The following UPF2 variants were observed in gnomAD, a reference collection of about 807,000 sequenced individuals.
The protein encoded by UPF2 is UPF2 regulator of nonsense mediated mRNA decay, also known as regulator of nonsense transcripts 2.
UPF2 carries 17 observed loss-of-function variants against 141.4 expected under a neutral mutation model. That is an observed-to-expected ratio of 0.12 (90% CI 0.08 to 0.18). The LOEUF is 0.18. UPF2 is among the 10% of genes least tolerant of loss of function. UPF2 has a pLI of 1.00. For missense variants in UPF2, 1,152 were observed against 1,515.9 expected, an observed-to-expected ratio of 0.76 and a Z score of 3.99; for synonymous variants, 540 against 498.0, an observed-to-expected ratio of 1.08 and a Z score of -1.12.
intron 21 of UPF2, chr10:11,928,710 G>GAAAA: frequency 1.0e-5 from 3 of 298,596 alleles, no homozygotes; most frequent in Admixed American, 4.3e-5. Flanking sequence ...CTCCGCCTCA[G>GAAAA]AAAAAAAAAA....
In UPF2 at chr10:12,001,803, A is replaced by T; in HGVS notation, c.1527T>A (p.Asn509Lys). The T allele has an allele frequency of 6.2e-7, 1 of 1,605,300 alleles. No homozygotes were observed. Among genetic ancestry groups the T allele is most frequent in the Non-Finnish European group, 8.5e-7 (1 of 1,176,988 alleles). The change falls in exon 6 of 22, where the codon AAT becomes AAA. Residue 509 changes from asparagine to lysine, a missense_variant. By Grantham distance (94) the Asn-to-Lys change is moderately conservative. Transcript: ENST00000357604. Reference protein sequence around the residue: ...DTKEAKESKENKEVSSPDDLE... With the variant: ...DTKEAKESKEKKEVSSPDDLE... ...AATCATCGGGACTTGATACCTCCTT[A>T]TTCTCCTTAGATTCTTTTGCCTCTG...
chr10:12,015,749 T>C (rs1834208263), intron 3 of UPF2, among the ~76,000 whole-genome samples: 1 of 152,088 alleles, frequency 6.6e-6, no homozygotes. Flanking sequence ...AGTAACAATA[T>C]TTTCAATTTT....
intron 16 of UPF2, among the ~76,000 whole-genome samples, chr10:11,945,425 T>C (rs996550486): frequency 3.3e-5 from 5 of 152,360 alleles, no homozygotes; most frequent in African/African-American, 9.6e-5. Flanking sequence ...CTCCTCCTTA[T>C]GTTTGGAGGG....
At chr10:12,029,971 CA>C (rs568108700) in intron 2 of UPF2, among the ~76,000 whole-genome samples, 3 of 135,818 alleles carry the variant, frequency 2.2e-5, no homozygotes, top group Middle Eastern at 3.4e-3. Flanking sequence ...AAAAAAAAAA[CA>C]AAAAAAAAAC....
At chr10:11,949,704 G>A (rs917185440) in intron 15 of UPF2, among the ~76,000 whole-genome samples, 8 of 152,174 alleles carry the variant, frequency 5.3e-5, no homozygotes, top group African/African-American at 1.4e-4. Flanking sequence ...TAGCGATGAT[G>A]TGATTTAACC....
chr10:12,020,317 T>C (rs538234682), intron 3 of UPF2, among the ~76,000 whole-genome samples: 1 of 151,970 alleles, frequency 6.6e-6, no homozygotes, highest in African/African-American at 2.4e-5. Context: ...AATGGCGCAA[T>C]CTCGGCTCAC....
chr10:11,959,869 T>G lies in UPF2; in HGVS notation c.2185-513A>C, dbSNP rs1833212639. On this transcript the variant is annotated intron_variant, in intron 11 of 21. Transcript: ENST00000357604. The surrounding 1 kb of genome is among the most constrained non-coding windows in gnomAD (Gnocchi z 5.9). ...CTAACTGTTATACTACTTATCATTT[T>G]TAGAACATACTAGCCCGTGCCTACT... Among the ~76,000 whole-genome samples the G allele has an allele frequency of 6.6e-6, 1 of 152,252 alleles. No homozygotes were observed. The highest frequency in any genetic ancestry group is 2.4e-5 in the African/African-American group (1 of 41,482).
chr10:11,996,004 G>A (rs138707566), intron 8 of UPF2, among the ~76,000 whole-genome samples: 4 of 152,124 alleles, frequency 2.6e-5, no homozygotes, highest in East Asian at 1.9e-4. Flanking sequence ...TTGGCTCTAT[G>A]CTTCAAAGCA....
intron 10 of UPF2, among the ~76,000 whole-genome samples, chr10:11,965,567 C>T (rs1833305465): frequency 6.6e-6 from 1 of 152,164 alleles, no homozygotes; most frequent in South Asian, 2.1e-4. Flanking sequence ...TCATGCCATT[C>T]TCCTGCCTCA....
rs1834682219 is a variant in UPF2, at chr10:12,038,803, TTATC to T, written c.-18-3366_-18-3363del. On this transcript the variant is annotated intron_variant, in intron 1 of 21. Transcript: ENST00000357604. The stretch of plus-strand genomic sequence containing the variant: ...TGCCAAGACAACATTAGCATTTATA[TTATC>T]TATTTTTTTAATTTAAAAAAAAACT... Among the ~76,000 whole-genome samples the T allele has an allele frequency of 2.0e-5, 3 of 152,132 alleles. No individual in the cohort carries two copies. The East Asian group carries it at 5.8e-4, about 29-fold the overall frequency.
rs755533266 is a variant in UPF2, at chr10:11,959,195, A to C, written c.2346T>G (p.Asp782Glu). Reference sequence around the variant, plus strand: ...CCTTCTCGGTGGTAACCTTAGAGAGATCCTTGTACAAAAGTTTCCGGACAT... The same window carrying C: ...CCTTCTCGGTGGTAACCTTAGAGAGCTCCTTGTACAAAAGTTTCCGGACAT... Reference protein sequence around the residue: ...QEYVRKLLYKDLSKVTTEKVL... With the variant: ...QEYVRKLLYKELSKVTTEKVL... Residue 782 changes from aspartate (D) to glutamate (E), a missense_variant, in exon 12 of 22, where the codon GAT (aspartate) becomes GAG (glutamate). This residue lies in a region of UPF2 where 739 missense variants were observed against 1,032.2 expected (regional missense o/e 0.72). Transcript: ENST00000357604. The surrounding 1 kb of genome is among the most constrained non-coding windows in gnomAD (Gnocchi z 5.9). 6.2e-6 allele frequency: 10 copies of C among 1,602,272 alleles called. No individual in the cohort carries two copies. Among genetic ancestry groups the C allele is most frequent in the African/African-American group, 2.7e-5 (2 of 73,446 alleles).
chr10:11,929,964 T>G lies in UPF2; in HGVS notation c.3710A>C (p.Gln1237Pro). 1 of 1,614,178 alleles carries G rather than the reference T, an allele frequency of 6.2e-7. No individual in the cohort carries two copies. The highest frequency in any genetic ancestry group is 8.5e-7 in the Non-Finnish European group (1 of 1,180,014). The change falls in exon 21 of 22, where the codon CAG (glutamine) becomes CCG (proline). Residue 1237 changes from glutamine to proline, a missense_variant. Gln to Pro is a moderately conservative substitution (Grantham distance 76). Around this residue, in one of 4 missense-constraint regions of UPF2, gnomAD observed 66 missense variants for 123.5 expected, o/e 0.53. Coordinates refer to ENST00000357604, the MANE Select transcript of UPF2 (RefSeq NM_015542.4). The part of the protein sequence containing the change: ...DYQEMLQSLA[Q>P]RPAPANTNRE... ...ATTGGTGTTTGCTGGAGCTGGGCGC[T>G]GTGCAAGAGACTGCAACATTTCTGT...
intron 19 of UPF2, among the ~76,000 whole-genome samples, chr10:11,934,813 T>C (rs1046316857): frequency 2.6e-5 from 4 of 152,096 alleles, no homozygotes; most frequent in Non-Finnish European, 5.9e-5. Flanking sequence ...TGGTCTTGAA[T>C]CCCTGACCTT....
At chr10:12,038,660 C>T (rs1315612947) in intron 1 of UPF2, among the ~76,000 whole-genome samples, 3 of 151,592 alleles carry the variant, frequency 2.0e-5, no homozygotes, top group East Asian at 3.9e-4. Context: ...ACCCGGGAGG[C>T]GGAGGCTGCA....
rs944402733 is a variant in UPF2, at chr10:11,980,913, G to A, written c.1845-1748C>T. 1.3e-5 allele frequency among the ~76,000 whole-genome samples: 2 copies of A among 152,036 alleles called. No individual in the cohort carries two copies. The highest frequency in any genetic ancestry group is 2.9e-5 in the Non-Finnish European group (2 of 67,996). Reference sequence around the variant, plus strand: ...AAATAAATTTGAAAGGTATGGTTAGGCTGGGCATGGTGGTCAATAATCCCA... The same window carrying A: ...AAATAAATTTGAAAGGTATGGTTAGACTGGGCATGGTGGTCAATAATCCCA... On this transcript the variant is annotated intron_variant, in intron 8 of 21. Coordinates refer to ENST00000357604, the MANE Select transcript of UPF2 (RefSeq NM_015542.4). The surrounding 1 kb of genome is among the most constrained non-coding windows in gnomAD (Gnocchi z 4.2).
chr10:11,943,024 C>T lies in UPF2; in HGVS notation c.3279+40G>A, dbSNP rs1451093916. ...CTAAAATTCAAATACTATAAAAATG[C>T]TGCACAATTTCAAAAAGTAAATTTT... On this transcript the variant is annotated intron_variant, in intron 17 of 21. Transcript: ENST00000357604. The T allele has an allele frequency of 3.5e-6, 5 of 1,429,730 alleles. No individual in the cohort carries two copies. The East Asian group carries it at 6.8e-5, about 20-fold the overall frequency. The allele number at this position is 1,429,730 out of a possible 1,614,324, so 88.6% of individuals were successfully genotyped here.
At chr10:12,034,534 G>A (rs1429189395) in intron 2 of UPF2, among the ~76,000 whole-genome samples, 7 of 141,122 alleles carry the variant, frequency 5.0e-5, no homozygotes, top group African/African-American at 1.8e-4. Flanking sequence ...GCCAGGTGCG[G>A]TGGCTCACAC....
chr10:11,996,206 A>C (rs1437197132), intron 8 of UPF2, among the ~76,000 whole-genome samples: 1 of 152,110 alleles, frequency 6.6e-6, no homozygotes, highest in African/African-American at 2.4e-5. Context: ...ATAATATAAC[A>C]ATCTTTCCTG....
In UPF2 at chr10:11,956,410, G is replaced by A. The variant is rs1194688943; in HGVS notation, c.2484C>T (p.Ala828=). ...AGAGCACTAGTCCTGCTAAGAGGTT[G>A]GCTACACAATGAATACTATTATATT... ...NVKYNSIHCV[A]NLLAGLVLYQ... Residue 828 remains alanine, a synonymous_variant, in exon 13 of 22, where the codon GCC becomes GCT. Transcript: ENST00000357604. The surrounding 1 kb of genome is among the most constrained non-coding windows in gnomAD (Gnocchi z 4.2). 8 of 1,614,132 alleles carry A rather than the reference G, an allele frequency of 5.0e-6. No individual in the cohort carries two copies. Among genetic ancestry groups the A allele is most frequent in the Non-Finnish European group, 5.9e-6 (7 of 1,180,014 alleles).
Sources: allele counts gnomAD v4.1 joint callset (sites outside exome capture counted in the v4.1 genomes callset), GRCh38; gene constraint gnomAD v4.1.1; regional missense constraint gnomAD v4.1.1; non-coding constraint Gnocchi (gnomAD v3.1); transcripts MANE v1.5; gene names NCBI Gene and HGNC (gene_info 2026-07-23, HGNC 2026-07-21).